Variants in PARD3B observed in about 807,000 individuals in gnomAD.
PARD3B encodes partitioning defective 3 homolog B.
In PARD3B, 103 loss-of-function variants were observed where a neutral mutation model predicts 130.2. That is an observed-to-expected ratio of 0.79 (90% CI 0.67 to 0.93). The LOEUF is 0.93. Ranked by LOEUF, PARD3B falls within the 40% of genes least tolerant of loss-of-function variation. PARD3B has a pLI of 0.00. For missense variants in PARD3B, 1,609 were observed against 1,499.2 expected (o/e 1.07, Z -1.21); for synonymous variants, 583 against 553.2 (o/e 1.05, Z -0.76).
intron 3 of PARD3B, among the ~76,000 whole-genome samples, chr2:205,014,981 G>T (rs1696018355): frequency 6.6e-6 from 1 of 152,132 alleles, no homozygotes; most frequent in Non-Finnish European, 1.5e-5. Flanking sequence ...CTCACATTAT[G>T]CAGTTGACTG....
In PARD3B at chr2:205,615,566, G is replaced by A. The variant is rs1026163694; in HGVS notation, c.3371G>A (p.Gly1124Glu). 57 of 1,613,942 alleles carry A rather than the reference G, an allele frequency of 3.5e-5. No homozygotes were observed. Among genetic ancestry groups the A allele is most frequent in the Non-Finnish European group, 4.2e-5 (49 of 1,179,996 alleles). ...PGAHPMHPPK[G>E]SYPRPTELRV... ...GCTCATCCTATGCACCCTCCCAAAG[G>A]GAGCTATCCCCGCCCCACAGAGCTC... Residue 1124 changes from glycine to glutamate, a missense_variant, in exon 23 of 23, where the codon GGG becomes GAG. Transcript: ENST00000406610.
Position 205,125,552 on chromosome 2 carries a change from G to A in PARD3B, c.1306-57G>A, listed in dbSNP as rs2031275487. 1.9e-6 allele frequency: 3 copies of A among 1,583,356 alleles called. No homozygotes were observed. Among genetic ancestry groups the A allele is most frequent in the Non-Finnish European group, 2.6e-6 (3 of 1,159,908 alleles). On this transcript the variant is annotated intron_variant, in intron 9 of 22. Transcript: ENST00000406610. The surrounding 1 kb of genome is among the most constrained non-coding windows in gnomAD (Gnocchi z 4.0). ...TTCTTGTTTTCAAAAACTATCTAGT[G>A]TAGAAGGAGATAACAAGTATTGTGA...
intron 2 of PARD3B, among the ~76,000 whole-genome samples, chr2:204,938,676 C>T (rs1171662359): frequency 6.6e-6 from 1 of 152,198 alleles, no homozygotes; most frequent in Non-Finnish European, 1.5e-5. Context: ...TACCATTCCT[C>T]AATATCACCC....
intron 4 of PARD3B, among the ~76,000 whole-genome samples, chr2:205,055,957 G>A (rs1324811517): frequency 6.6e-6 from 1 of 152,104 alleles, no homozygotes; most frequent in Non-Finnish European, 1.5e-5. Context: ...ACCTAAATTT[G>A]AAGGCTAAAG....
At chr2:205,199,508 C>T (rs796747342) in intron 15 of PARD3B, among the ~76,000 whole-genome samples, 28 of 152,056 alleles carry the variant, frequency 1.8e-4, no homozygotes, top group African/African-American at 6.3e-4. Context: ...CACGCACACA[C>T]GCACACACGT....
At chr2:204,590,296 A>G (rs910284592) in intron 1 of PARD3B, among the ~76,000 whole-genome samples, 5 of 152,078 alleles carry the variant, frequency 3.3e-5, no homozygotes, top group Non-Finnish European at 7.4e-5. Context: ...TGACTTAATT[A>G]CCTTCCCAAC....
intron 1 of PARD3B, among the ~76,000 whole-genome samples, chr2:204,588,346 T>C (rs1041248759): frequency 6.6e-6 from 1 of 152,200 alleles, no homozygotes; most frequent in African/African-American, 2.4e-5. Flanking sequence ...ATATTGAAGA[T>C]GCTGAAACTC....
At chr2:205,234,505 T>A (rs2038976882) in intron 15 of PARD3B, among the ~76,000 whole-genome samples, 1 of 152,174 alleles carries the variant, frequency 6.6e-6, no homozygotes, top group Non-Finnish European at 1.5e-5. Flanking sequence ...TTATTCTAAA[T>A]GCTTATGCAC....
In PARD3B at chr2:205,193,191, G is replaced by A; in HGVS notation, c.2025-14G>A. 2 of 1,551,992 alleles carry A rather than the reference G, an allele frequency of 1.3e-6. No individual in the cohort carries two copies. Among genetic ancestry groups the A allele is most frequent in the East Asian group, 2.2e-5 (1 of 44,548 alleles). ...ATTCTAAACCTAAATACAACATATG[G>A]CTTCCTTCCACAGCTCTGGGGTGGA... On this transcript the variant is annotated splice_polypyrimidine_tract_variant and intron_variant, in intron 14 of 22. Transcript: ENST00000406610.
At chr2:204,955,364 A>G (rs190784689) in intron 2 of PARD3B, among the ~76,000 whole-genome samples, 14 of 152,260 alleles carry the variant, frequency 9.2e-5, no homozygotes, top group African/African-American at 3.4e-4. Context: ...GTTAAATGCA[A>G]TTTTGCATTG....
At chr2:204,713,386 A>G (rs1298864268) in intron 2 of PARD3B, among the ~76,000 whole-genome samples, 3 of 142,250 alleles carry the variant, frequency 2.1e-5, no homozygotes. Context: ...CAATAAAAAA[A>G]TAGGTTTATT....
chr2:205,394,171 A>G (rs2045949059), intron 18 of PARD3B, among the ~76,000 whole-genome samples: 1 of 152,076 alleles, frequency 6.6e-6, no homozygotes, highest in Non-Finnish European at 1.5e-5. Context: ...ACTTTTCCAG[A>G]TGGCTGTTCA....
At chr2:204,761,662 A>G (rs1304417405) in intron 2 of PARD3B, among the ~76,000 whole-genome samples, 8 of 151,996 alleles carry the variant, frequency 5.3e-5, no homozygotes, top group South Asian at 4.1e-4. Context: ...GATATCTTCA[A>G]TTATCACAGT....
chr2:204,968,787 G>T (rs1460073518), intron 3 of PARD3B, among the ~76,000 whole-genome samples: 1 of 152,174 alleles, frequency 6.6e-6, no homozygotes, highest in South Asian at 2.1e-4. Context: ...ACAATCAAGG[G>T]TTACAAAGAC....
At chr2:205,345,247 G>A (rs971092730) in intron 18 of PARD3B, among the ~76,000 whole-genome samples, 4 of 152,132 alleles carry the variant, frequency 2.6e-5, no homozygotes, top group African/African-American at 9.7e-5. Flanking sequence ...TGACGAAGTG[G>A]ACAGCCTTGG....
chr2:204,966,146 A>G (rs1054738497), intron 3 of PARD3B, among the ~76,000 whole-genome samples: 5 of 152,232 alleles, frequency 3.3e-5, no homozygotes, highest in African/African-American at 1.2e-4. Context: ...AGCAAAACAT[A>G]TGCTTAAAAT....
intron 2 of PARD3B, among the ~76,000 whole-genome samples, chr2:204,848,194 A>G (rs2125600257): frequency 6.6e-6 from 1 of 152,324 alleles, no homozygotes; most frequent in African/African-American, 2.4e-5. Context: ...ATGTATAGGA[A>G]TAAACATAGT....
intron 16 of PARD3B, among the ~76,000 whole-genome samples, chr2:205,283,047 G>C (rs2041251306): frequency 6.6e-6 from 1 of 152,196 alleles, no homozygotes; most frequent in South Asian, 2.1e-4. Flanking sequence ...AGTTAAAAAG[G>C]TGTGGGGTTT....
At chr2:205,597,979 C>A (rs1455770716) in intron 22 of PARD3B, among the ~76,000 whole-genome samples, 1 of 152,074 alleles carries the variant, frequency 6.6e-6, no homozygotes, top group Non-Finnish European at 1.5e-5. Context: ...AACATGGAAA[C>A]AAAAGAATGA....
Sources: allele counts gnomAD v4.1 joint callset (sites outside exome capture counted in the v4.1 genomes callset), GRCh38; gene constraint gnomAD v4.1.1; non-coding constraint Gnocchi (gnomAD v3.1); transcripts MANE v1.5; gene names NCBI Gene and HGNC (gene_info 2026-07-23, HGNC 2026-07-21).